The following AK6 variants were observed in gnomAD, a reference collection of about 807,000 sequenced individuals.
The protein encoded by AK6 is adenylate kinase 6, also known as adenylate kinase isoenzyme 6.
AK6 carries 24 observed loss-of-function variants against 23.7 expected under a neutral mutation model. The ratio of observed to expected loss-of-function variants is 1.01; its 90% CI spans 0.73 to 1.43. The LOEUF is 1.43. Ranked by LOEUF, AK6 falls within the 40% of genes most tolerant of loss-of-function variation. The probability of loss-of-function intolerance (pLI) is 0.00; values close to 1 mark genes in which losing one functional copy is unlikely to be tolerated. For missense variants in AK6, 191 were observed against 199.1 expected (o/e 0.96, Z 0.24); for synonymous variants, 73 against 69.8 (o/e 1.05, Z -0.23).
At chr5:69,356,671 A>C (rs1762092462) in intron 2 of AK6, among the ~76,000 whole-genome samples, 2 of 152,052 alleles carry the variant, frequency 1.3e-5, no homozygotes, top group Admixed American at 6.6e-5. Flanking sequence ...GAAAGAAAAA[A>C]GCAATAACAG....
In AK6 at chr5:69,352,479, C is replaced by G. The variant is rs187236783; in HGVS notation, c.327-226G>C. On this transcript the variant is annotated intron_variant, in intron 4 of 4. Coordinates refer to ENST00000380822, the MANE Select transcript of AK6 (RefSeq NM_016283.5). ...GCATCTAGGTTTGTTTGAATTTCCC[C>G]CCCCCACAATTTGTCAGCTACTCAA... Among the ~76,000 whole-genome samples, 4 of 151,868 alleles carry G rather than the reference C, an allele frequency of 2.6e-5. No homozygotes were observed. The East Asian group carries it at 7.7e-4, about 29-fold the overall frequency.
intron 1 of AK6, 141 bp downstream of exon 1, chr5:69,369,321 CG>C: frequency 1.1e-6 from 1 of 871,716 alleles, no homozygotes; most frequent in Non-Finnish European, 1.6e-6. Context: ...GGTCGGCTCC[CG>C]GGGCGCTGAC....
At chr5:69,352,305 T>C in intron 4 of AK6, 52 bp from the exon 5 acceptor site, 1 of 1,446,790 alleles carries the variant, frequency 6.9e-7, no homozygotes, top group South Asian at 1.2e-5. Context: ...TGGCATTAAC[T>C]GGAGTTTCAG....
chr5:69,365,897 ATT>A (rs905326870), intron 2 of AK6: 1 of 521,514 alleles, frequency 1.9e-6, no homozygotes, highest in Non-Finnish European at 3.1e-6. Context: ...TGTTTTCTTA[ATT>A]TTAATGAGGC....
intron 2 of AK6, among the ~76,000 whole-genome samples, chr5:69,360,433 G>A (rs1762200438): frequency 6.6e-6 from 1 of 152,180 alleles, no homozygotes; most frequent in Admixed American, 6.5e-5. Context: ...TTCAGAGCAC[G>A]TGCTTTAAAC....
chr5:69,369,481 G>A lies in AK6; in HGVS notation c.10C>T (p.Pro4Ser). MLL[P>S]NILLTGTPGV... ...CCCTGACCGGTGAGCAGGATGTTCG[G>A]AAGCAACATGGTCCCCGCCGCGACG... Residue 4 changes from proline (P) to serine (S), a missense_variant, in exon 1 of 5, where the codon CCG (proline) becomes TCG (serine). Coordinates refer to ENST00000380822, the MANE Select transcript of AK6 (RefSeq NM_016283.5). 1 of 1,611,304 alleles carries A rather than the reference G, an allele frequency of 6.2e-7. No individual in the cohort carries two copies. The highest frequency in any genetic ancestry group is 8.5e-7 in the Non-Finnish European group (1 of 1,179,322).
At chr5:69,363,002 G>A (rs1471496736) in intron 2 of AK6, among the ~76,000 whole-genome samples, 1 of 152,046 alleles carries the variant, frequency 6.6e-6, no homozygotes, top group Non-Finnish European at 1.5e-5. Flanking sequence ...GGCTAAGGCA[G>A]AAGGATCATT....
chr5:69,366,705 G>C lies in AK6; in HGVS notation c.29-110C>G. On this transcript the variant is annotated intron_variant, in intron 1 of 4. Transcript: ENST00000380822. ...TGAGACAGAGTCTCACCTGGCCTCT[G>C]CCCTTAAAAGTTCTTGACGACTGAA... 3 of 766,816 alleles carry C rather than the reference G, an allele frequency of 3.9e-6. No individual in the cohort carries two copies. The South Asian group carries it at 5.0e-5, about 13-fold the overall frequency. The allele number at this position is 766,816 out of a possible 1,614,324, so 47.5% of individuals were successfully genotyped here. A position where few individuals can be genotyped will look rare whatever the true frequency, so the allele number is the denominator to read the frequency against.
intron 2 of AK6, among the ~76,000 whole-genome samples, chr5:69,361,376 T>C (rs913368612): frequency 1.3e-5 from 2 of 151,416 alleles, no homozygotes; most frequent in Non-Finnish European, 2.9e-5. Flanking sequence ...CCACCTCGGC[T>C]CCCCACAGTG....
intron 2 of AK6, chr5:69,364,878 G>T (rs1762346591): frequency 1.4e-6 from 2 of 1,390,444 alleles, no homozygotes; most frequent in Admixed American, 2.0e-5. Context: ...CATCCAGCAT[G>T]CATGTTTAAT....
Position 69,369,459 on chromosome 5 carries a change from T to A in AK6, c.28+4A>T. The A allele has an allele frequency of 6.2e-7, 1 of 1,610,194 alleles. No homozygotes were observed. The highest frequency in any genetic ancestry group is 1.7e-4 in the Middle Eastern group (1 of 5,752). On this transcript the variant is annotated splice_donor_region_variant and intron_variant, in intron 1 of 4. Transcript: ENST00000380822. ...CCCAGTCCCTCCCGGCCGCGCGCCC[T>A]GACCGGTGAGCAGGATGTTCGGAAG...
chr5:69,361,969 CTTTT>C (rs112797204), intron 2 of AK6, among the ~76,000 whole-genome samples: 6 of 104,826 alleles, frequency 5.7e-5, no homozygotes, highest in African/African-American at 1.4e-4. Context: ...ACTTGATTCC[CTTTT>C]TTTTTTTTTT....
At chr5:69,368,457 C>T (rs1399155020) in intron 1 of AK6, among the ~76,000 whole-genome samples, 3 of 152,142 alleles carry the variant, frequency 2.0e-5, no homozygotes, top group African/African-American at 7.2e-5. Flanking sequence ...ATAAAATGTT[C>T]ACTTTAAAGT....
chr5:69,352,111 C>A lies in AK6; in HGVS notation c.469G>T (p.Asp157Tyr). The A allele has an allele frequency of 6.2e-7, 1 of 1,613,362 alleles. No homozygotes were observed. Among genetic ancestry groups the A allele is most frequent in the African/African-American group, 1.3e-5 (1 of 75,016 alleles). The change falls in exon 5 of 5, where the codon GAT (aspartate) becomes TAT (tyrosine). Residue 157 changes from aspartate to tyrosine, a missense_variant. By Grantham distance (160) the Asp-to-Tyr change is radical. Transcript: ENST00000380822. ...TGCTCAATCCATTTCAAGATCTGAT[C>A]TACATTATTTTCTAGCTCTTCTGGT... ...NKPEELENNVDQILKWIEQWI... is the reference protein window; with the variant it reads ...NKPEELENNVYQILKWIEQWI...
intron 2 of AK6, among the ~76,000 whole-genome samples, chr5:69,361,807 T>C (rs551095546): frequency 2.6e-4 from 40 of 152,008 alleles, no homozygotes; most frequent in African/African-American, 8.0e-4. Context: ...GGTTTCACCA[T>C]GTTGGACAGG....
At chr5:69,352,896 T>C (rs934621777) in intron 4 of AK6, among the ~76,000 whole-genome samples, 5 of 152,160 alleles carry the variant, frequency 3.3e-5, no homozygotes, top group Non-Finnish European at 5.9e-5. Flanking sequence ...AATTCCTAGA[T>C]ATATAAACAA....
chr5:69,365,590 T>C, intron 2 of AK6: 2 of 1,614,164 alleles, frequency 1.2e-6, no homozygotes, highest in East Asian at 2.2e-5. Flanking sequence ...TCATCTAGAA[T>C]TGTGGTCACA....
At chr5:69,365,358 T>C (rs1184829385) in intron 2 of AK6, 5 of 1,614,192 alleles carry the variant, frequency 3.1e-6, no homozygotes, top group East Asian at 2.2e-5. Context: ...TTTCAGCCTA[T>C]AGTTTGGAGC....
In AK6 at chr5:69,355,951, G is replaced by A; in HGVS notation, c.124C>T (p.Gln42Ter). 6.3e-7 allele frequency: 1 copy of A among 1,598,770 alleles called. No homozygotes were observed. Among genetic ancestry groups the A allele is most frequent in the Admixed American group, 1.8e-5 (1 of 55,688 alleles). Residue 42 changes from glutamine to a stop codon, truncating the protein, a stop_gained and splice_region_variant, in exon 3 of 5, where the codon CAA becomes TAA. Coordinates refer to ENST00000380822, the MANE Select transcript of AK6 (RefSeq NM_016283.5). LOFTEE classifies it high-confidence loss of function. Reference sequence around the variant, plus strand: ...TCTTCATCATAGCCATCATACAATTGCTCTAAAAGAGATTTAGAATTGCTT... The same window carrying A: ...TCTTCATCATAGCCATCATACAATTACTCTAAAAGAGATTTAGAATTGCTT... ...INVGDLAREE[Q>*]LYDGYDEEYD...
Sources: allele counts gnomAD v4.1 joint callset (sites outside exome capture counted in the v4.1 genomes callset), GRCh38; gene constraint gnomAD v4.1.1; transcripts MANE v1.5; gene names NCBI Gene and HGNC (gene_info 2026-07-23, HGNC 2026-07-21).